Variants in CEP55 observed in about 807,000 individuals in gnomAD.
The protein encoded by CEP55 is centrosomal protein 55, also known as centrosomal protein of 55 kDa.
Under a neutral mutation model 63.2 loss-of-function variants are expected in CEP55, and 57 were observed. That is an observed-to-expected ratio of 0.90 (90% CI 0.73 to 1.13). The LOEUF (loss-of-function observed/expected upper bound fraction) is 1.13. Ranked by LOEUF, CEP55 falls within the 50% of genes most tolerant of loss-of-function variation. The probability of loss-of-function intolerance (pLI) is 0.00; values close to 1 mark genes in which losing one functional copy is unlikely to be tolerated. For missense variants in CEP55, 456 were observed against 518.9 expected (o/e 0.88, Z 1.18); for synonymous variants, 178 against 191.6 (o/e 0.93, Z 0.59).
intron 8 of CEP55, among the ~76,000 whole-genome samples, 199 bp from the exon 9 acceptor site, chr10:93,527,751 T>C (rs1318248203): frequency 6.6e-6 from 1 of 151,924 alleles, no homozygotes. Context: ...CGTGGTGACA[T>C]GTGCCTGTAG....
At chr10:93,524,202 TAAAG>T (rs550024035) in intron 8 of CEP55, among the ~76,000 whole-genome samples, 6,470 of 151,534 alleles carry the variant, frequency 0.043, 372 homozygotes, top group African/African-American at 0.13. Flanking sequence ...GCAAGACTAA[TAAAG>T]AAGAAAAGAG....
At chr10:93,527,805 T>C in intron 8 of CEP55, 145 bp from the exon 9 acceptor site, 1 of 655,996 alleles carries the variant, frequency 1.5e-6, no homozygotes, top group Admixed American at 2.9e-5. Flanking sequence ...TGCTTAAGCC[T>C]GGGAGGTCGA....
Position 93,517,886 on chromosome 10 carries a change from T to A in CEP55, c.993+638T>A, listed in dbSNP as rs75044993. ...TCCATGCCTAGTCTCTAGTCCAGGATATATGGCCTTAGGCAAATCACCTAA... is the reference window on the plus strand; with the variant it reads ...TCCATGCCTAGTCTCTAGTCCAGGAAATATGGCCTTAGGCAAATCACCTAA... On this transcript the variant is annotated intron_variant, in intron 6 of 8. Transcript: ENST00000371485. 7.2e-3 allele frequency among the ~76,000 whole-genome samples: 1,102 copies of A among 152,340 alleles called. 12 individuals carry two copies. The highest frequency in any genetic ancestry group is 0.025 in the African/African-American group (1,029 of 41,594).
Position 93,515,528 on chromosome 10 carries a change from CA to C in CEP55, c.653del (p.Gln218ArgfsTer38), listed in dbSNP as rs926578086. 6.2e-7 allele frequency: 1 copy of C among 1,613,510 alleles called. No individual in the cohort carries two copies. Among genetic ancestry groups the C allele is most frequent in the Non-Finnish European group, 8.5e-7 (1 of 1,179,526 alleles). On this transcript the variant is annotated frameshift_variant, in exon 5 of 9. Coordinates refer to ENST00000371485, the MANE Select transcript of CEP55 (RefSeq NM_018131.5). LOFTEE classifies it high-confidence loss of function. ...GGAAACAGCTGCTCATTCACTCCCA[CA>C]GCAGACAAAAAAGCCTGAATCAGAA... ...KTETAAHSLP[Q>X]QTKKPESEGY...
At chr10:93,497,605 C>T (rs1034527414) in intron 1 of CEP55, among the ~76,000 whole-genome samples, 1 of 151,198 alleles carries the variant, frequency 6.6e-6, no homozygotes, top group Non-Finnish European at 1.5e-5. Context: ...CTGTTAGGCT[C>T]TGTGGGTAAC....
At chr10:93,511,131 G>C (rs2057744277) in intron 4 of CEP55, among the ~76,000 whole-genome samples, 1 of 151,898 alleles carries the variant, frequency 6.6e-6, no homozygotes, top group Non-Finnish European at 1.5e-5. Context: ...AGTAGAGACG[G>C]GGTTTCACCA....
chr10:93,519,538 C>A, intron 7 of CEP55, 144 bp from the exon 8 acceptor site: 3 of 983,200 alleles, frequency 3.1e-6, no homozygotes, highest in Non-Finnish European at 4.4e-6. Flanking sequence ...CGTTTATTAA[C>A]ATTTCATGGT....
At chr10:93,521,914 G>A (rs2057868104) in intron 8 of CEP55, among the ~76,000 whole-genome samples, 1 of 152,144 alleles carries the variant, frequency 6.6e-6, no homozygotes, top group South Asian at 2.1e-4. Context: ...CTAACAAACA[G>A]AAAGGACATC....
At chr10:93,513,358 C>CAA (rs1371240037) in intron 4 of CEP55, among the ~76,000 whole-genome samples, 2 of 152,180 alleles carry the variant, frequency 1.3e-5, no homozygotes, top group Non-Finnish European at 2.9e-5. Context: ...AAGAGCCTAA[C>CAA]AAAGCTTAGA....
At chr10:93,514,267 G>C (rs1169697362) in intron 4 of CEP55, among the ~76,000 whole-genome samples, 1 of 152,170 alleles carries the variant, frequency 6.6e-6, no homozygotes, top group Non-Finnish European at 1.5e-5. Flanking sequence ...ATATTCTGAG[G>C]TTTCAAGTGG....
rs2057615803 is a variant in CEP55, at chr10:93,500,017, A to G, written c.-12-23A>G. On this transcript the variant is annotated intron_variant, in intron 1 of 8. Coordinates refer to ENST00000371485, the MANE Select transcript of CEP55 (RefSeq NM_018131.5). ...TTTAAATTTTTAAACTCAGAATTAT[A>G]CAGTTGATTTTTATTTTTACAGACC... 9 of 1,484,376 alleles carry G rather than the reference A, an allele frequency of 6.1e-6. No individual in the cohort carries two copies. The East Asian group carries it at 2.0e-4, about 33-fold the overall frequency. The allele number at this position is 1,484,376 out of a possible 1,614,324, so 92.0% of individuals were successfully genotyped here.
chr10:93,498,034 A>G (rs1267191307), intron 1 of CEP55, among the ~76,000 whole-genome samples: 5 of 152,036 alleles, frequency 3.3e-5, no homozygotes, highest in African/African-American at 1.2e-4. Flanking sequence ...AGGCAGGAGA[A>G]TCCCTTGAAC....
In CEP55 at chr10:93,496,657, A is replaced by C. The variant is rs575550077; in HGVS notation, c.-279A>C. On this transcript the variant is annotated 5_prime_UTR_variant, in exon 1 of 9. Transcript: ENST00000371485. ...CACACCTGATGGTGTGACTCGGCCG[A>C]CGCGAGCGCCGCGCTTCGCTTCAGC... 4 of 152,276 alleles carry C rather than the reference A, an allele frequency of 2.6e-5. No individual in the cohort carries two copies. In the East Asian group the frequency reaches 7.7e-4, roughly 29 times the overall value. The allele number at this position is 152,276 out of a possible 1,614,324, so 9.4% of individuals were successfully genotyped here. A position where few individuals can be genotyped will look rare whatever the true frequency, so the allele number is the denominator to read the frequency against.
At chr10:93,500,335 T>C in intron 2 of CEP55, 101 bp downstream of exon 2, 1 of 992,326 alleles carries the variant, frequency 1.0e-6, no homozygotes, top group Non-Finnish European at 1.5e-6. Flanking sequence ...TTCCCTGTCT[T>C]GTCCAGTTGA....
At chr10:93,497,297 GCT>G (rs1355680938) in intron 1 of CEP55, among the ~76,000 whole-genome samples, 2 of 151,854 alleles carry the variant, frequency 1.3e-5, no homozygotes, top group African/African-American at 4.8e-5. Flanking sequence ...ATGGAGTCTC[GCT>G]CTGTCACCAA....
At chr10:93,504,056 A>G (rs1410513427) in intron 3 of CEP55, among the ~76,000 whole-genome samples, 1 of 152,158 alleles carries the variant, frequency 6.6e-6, no homozygotes, top group Non-Finnish European at 1.5e-5. Flanking sequence ...AATTAAATGT[A>G]AATATGTATG....
At chr10:93,519,594 A>C in intron 7 of CEP55, 88 bp from the exon 8 acceptor site, 1 of 1,383,964 alleles carries the variant, frequency 7.2e-7, no homozygotes, top group Non-Finnish European at 1.0e-6. Context: ...TATTTTCTTC[A>C]TGTGCTAATA....
At chr10:93,512,444 G>C (rs934735376) in intron 4 of CEP55, among the ~76,000 whole-genome samples, 3 of 149,708 alleles carry the variant, frequency 2.0e-5, no homozygotes, top group Non-Finnish European at 1.5e-5. Flanking sequence ...AACCCGGGAG[G>C]TGGAGGTTGC....
chr10:93,501,562 G>A (rs1176961369), intron 2 of CEP55, among the ~76,000 whole-genome samples: 1 of 151,952 alleles, frequency 6.6e-6, no homozygotes, highest in Non-Finnish European at 1.5e-5. Context: ...CCAACTACTC[G>A]GGAAGCTGAG....
Sources: allele counts gnomAD v4.1 joint callset (sites outside exome capture counted in the v4.1 genomes callset), GRCh38; gene constraint gnomAD v4.1.1; transcripts MANE v1.5; gene names NCBI Gene and HGNC (gene_info 2026-07-23, HGNC 2026-07-21).